ZFYVE9: variants seen among roughly 807,000 people sequenced by gnomAD.
The protein encoded by ZFYVE9 is zinc finger FYVE-type containing 9, also known as zinc finger FYVE domain-containing protein 9.
Under a neutral mutation model 126.7 loss-of-function variants are expected in ZFYVE9, and 43 were observed. That is an observed-to-expected ratio of 0.34 (90% CI 0.27 to 0.44). The LOEUF is 0.44. ZFYVE9 is among the 20% of genes least tolerant of loss of function. The pLI is 1.00. For missense variants in ZFYVE9, 1,476 were observed against 1,697.0 expected (o/e 0.87, Z 2.29); for synonymous variants, 521 against 597.4 (o/e 0.87, Z 1.87).
chr1:52,220,749 G>A (rs1282878862), intron 2 of ZFYVE9, among the ~76,000 whole-genome samples: 1 of 152,094 alleles, frequency 6.6e-6, no homozygotes, highest in Non-Finnish European at 1.5e-5. Flanking sequence ...CTTTCCCTCT[G>A]GGCTCTCCTG....
At chr1:52,208,436 A>G (rs1183803476) in intron 1 of ZFYVE9, among the ~76,000 whole-genome samples, 1 of 151,968 alleles carries the variant, frequency 6.6e-6, no homozygotes, top group East Asian at 1.9e-4. Context: ...ACTTTCTGAT[A>G]AGTTGTGATT....
chr1:52,288,577 C>T (rs563547613), intron 10 of ZFYVE9, among the ~76,000 whole-genome samples: 70 of 152,324 alleles, frequency 4.6e-4, no homozygotes, highest in Middle Eastern at 3.4e-3. Context: ...CTCCAAGAAG[C>T]TTTCTAAATT....
intron 16 of ZFYVE9, 22 bp from the exon 17 acceptor site, chr1:52,340,104 C>G: frequency 1.9e-6 from 3 of 1,591,556 alleles, no homozygotes; most frequent in Admixed American, 3.4e-5. Context: ...CTGCTTCTAT[C>G]TTTCCTTTGC....
rs76434954 is a variant in ZFYVE9, at chr1:52,338,197, T to C, written c.3833+263T>C. 3.3e-3 allele frequency among the ~76,000 whole-genome samples: 504 copies of C among 152,370 alleles called. 2 individuals carry two copies. The highest frequency in any genetic ancestry group is 0.012 in the African/African-American group (483 of 41,588). ...CCCTCTATAGTTATTGAGATAACAGTAATACCTGAGCCTTTTAAGATTTAC... is the reference window on the plus strand; with the variant it reads ...CCCTCTATAGTTATTGAGATAACAGCAATACCTGAGCCTTTTAAGATTTAC... On this transcript the variant is annotated intron_variant, in intron 16 of 18. Coordinates refer to ENST00000287727, the MANE Select transcript of ZFYVE9 (RefSeq NM_004799.4).
At chr1:52,164,225 G>GT (rs1644491646) in intron 1 of ZFYVE9, among the ~76,000 whole-genome samples, 1 of 144,338 alleles carries the variant, frequency 6.9e-6, no homozygotes. Context: ...TTGTTTGTTT[G>GT]TTTTTTAAGA....
At chr1:52,286,261 T>C (rs1569672831) in intron 10 of ZFYVE9, among the ~76,000 whole-genome samples, 1 of 152,318 alleles carries the variant, frequency 6.6e-6, no homozygotes, top group East Asian at 1.9e-4. Flanking sequence ...GTGTGAAACC[T>C]TGAATACTGT....
At chr1:52,256,016 C>CCTTT (rs1255125321) in intron 4 of ZFYVE9, among the ~76,000 whole-genome samples, 7 of 131,832 alleles carry the variant, frequency 5.3e-5, no homozygotes, top group African/African-American at 1.8e-4. Flanking sequence ...TTCCTTCTTT[C>CCTTT]CTTTCTTTCT....
chr1:52,189,571 C>T (rs1407937700), intron 1 of ZFYVE9, among the ~76,000 whole-genome samples: 1 of 151,092 alleles, frequency 6.6e-6, no homozygotes, highest in Non-Finnish European at 1.5e-5. Context: ...TGGGGTTTTG[C>T]CATGTTGGCC....
intron 17 of ZFYVE9, among the ~76,000 whole-genome samples, chr1:52,342,259 T>C (rs1305023733): frequency 3.7e-5 from 5 of 133,344 alleles, no homozygotes; most frequent in Non-Finnish European, 6.2e-5. Flanking sequence ...GTGTCTTTTA[T>C]ATTTTGCCTT....
intron 1 of ZFYVE9, among the ~76,000 whole-genome samples, chr1:52,195,171 T>TC (rs1323910903): frequency 6.6e-6 from 1 of 152,208 alleles, no homozygotes; most frequent in Non-Finnish European, 1.5e-5. Context: ...TTTTCCTTTT[T>TC]CTCTTTCTCT....
intron 13 of ZFYVE9, among the ~76,000 whole-genome samples, chr1:52,309,231 C>A (rs1646114822): frequency 6.6e-6 from 1 of 152,282 alleles, no homozygotes; most frequent in African/African-American, 2.4e-5. Flanking sequence ...AATCCCAGTA[C>A]TTTGGGAGGC....
At chr1:52,213,549 G>A (rs755338514) in intron 1 of ZFYVE9, among the ~76,000 whole-genome samples, 8 of 152,146 alleles carry the variant, frequency 5.3e-5, no homozygotes, top group Non-Finnish European at 8.8e-5. Flanking sequence ...CTACTCAGGA[G>A]TCTGAGGCAG....
chr1:52,281,251 G>A (rs1418307795), intron 9 of ZFYVE9, among the ~76,000 whole-genome samples: 5 of 150,954 alleles, frequency 3.3e-5, no homozygotes, highest in African/African-American at 4.9e-5. Context: ...TCCTGCCTCA[G>A]CCTCCCGAGT....
intron 1 of ZFYVE9, among the ~76,000 whole-genome samples, chr1:52,175,449 A>T (rs1008786434): frequency 6.6e-6 from 1 of 150,464 alleles, no homozygotes. Context: ...TTTTTCCTTC[A>T]TTTCAACTTT....
chr1:52,184,537 C>T (rs1453347353), intron 1 of ZFYVE9, among the ~76,000 whole-genome samples: 1 of 136,276 alleles, frequency 7.3e-6, no homozygotes, highest in African/African-American at 2.8e-5. Context: ...TGAGCCACCG[C>T]ATCTGGCCAG....
chr1:52,286,118 T>C (rs1352617810), intron 10 of ZFYVE9, among the ~76,000 whole-genome samples: 3 of 151,058 alleles, frequency 2.0e-5, no homozygotes, highest in East Asian at 3.9e-4. Context: ...ATCGTGCCAT[T>C]GCACTCCAGC....
intron 8 of ZFYVE9, among the ~76,000 whole-genome samples, chr1:52,276,190 G>A (rs1269904104): frequency 5.3e-5 from 8 of 152,112 alleles, no homozygotes; most frequent in African/African-American, 1.9e-4. Context: ...ACAGGCGTGA[G>A]CTACCATGCC....
chr1:52,280,644 T>C (rs1295915890), intron 9 of ZFYVE9, among the ~76,000 whole-genome samples: 5 of 152,210 alleles, frequency 3.3e-5, no homozygotes, highest in African/African-American at 1.2e-4. Context: ...ATATGGTTTC[T>C]GCTGTTCATA....
chr1:52,149,020 A>G (rs1334218451), intron 1 of ZFYVE9, among the ~76,000 whole-genome samples: 2 of 119,392 alleles, frequency 1.7e-5, no homozygotes, highest in Non-Finnish European at 3.2e-5. Context: ...GCTAGAGTGC[A>G]GTAGTGTGAT....
Sources: gnomAD v4.1 joint callset for allele counts (sites outside exome capture counted in the v4.1 genomes callset) on GRCh38, gnomAD v4.1.1 for gene constraint, MANE v1.5 for transcripts, NCBI Gene and HGNC (gene_info 2026-07-23, HGNC 2026-07-21) for gene names.